DCTD: variants seen among roughly 807,000 people sequenced by gnomAD.
DCTD encodes the protein dCMP deaminase.
In DCTD, 23 loss-of-function variants were observed where a neutral mutation model predicts 21.0. The ratio of observed to expected loss-of-function variants is 1.09; its 90% CI spans 0.79 to 1.55. The LOEUF is 1.55. Among genes scored for constraint, DCTD ranks in the 40% most tolerant of loss-of-function variants. DCTD has a pLI of 0.00. For synonymous variants in DCTD, 71 were observed against 81.1 expected (o/e 0.88, Z 0.67); for missense variants, 224 against 230.0 (o/e 0.97, Z 0.17).
intron 3 of DCTD, 83 bp from the exon 4 acceptor site, chr4:182,894,688 C>A: frequency 4.7e-6 from 4 of 843,080 alleles, no homozygotes; most frequent in South Asian, 4.1e-5. Flanking sequence ...TCCATTCCCC[C>A]CTCTGAAATA....
chr4:182,894,713 C>A, intron 3 of DCTD, 108 bp from the exon 4 acceptor site: 1 of 742,524 alleles, frequency 1.3e-6, no homozygotes, highest in South Asian at 1.6e-5. Flanking sequence ...ATAACAGACT[C>A]AAGTAAAAAC....
chr4:182,892,967 C>A, intron 5 of DCTD, 64 bp downstream of exon 5: 3 of 986,966 alleles, frequency 3.0e-6, no homozygotes, highest in South Asian at 1.3e-5. Context: ...GAGACAAGGT[C>A]AAATACATCT....
At chr4:182,908,141 T>C (rs1274603569) in intron 3 of DCTD, among the ~76,000 whole-genome samples, 1 of 152,058 alleles carries the variant, frequency 6.6e-6, no homozygotes, top group Non-Finnish European at 1.5e-5. Context: ...GCAAACAATA[T>C]ATTCATATTC....
At chr4:182,899,692 C>T (rs370063043) in intron 3 of DCTD, among the ~76,000 whole-genome samples, 10 of 152,160 alleles carry the variant, frequency 6.6e-5, no homozygotes, top group Admixed American at 2.0e-4. Flanking sequence ...TGAGCCACCG[C>T]GCCCGGCCAG....
chr4:182,904,234 G>A (rs1175468331), intron 3 of DCTD, among the ~76,000 whole-genome samples: 2 of 152,170 alleles, frequency 1.3e-5, no homozygotes. Context: ...AAAGCCCCCA[G>A]AACTCTAATT....
At position 182,915,109 on chromosome 4, in the gene DCTD, C is replaced by T. The variant is rs577993289; in HGVS notation, c.109-51G>A. 269 of 1,612,512 alleles carry T rather than the reference C, an allele frequency of 1.7e-4. 1 individual carries two copies. Among genetic ancestry groups the T allele is most frequent in the South Asian group, 1.7e-3 (151 of 90,936 alleles). On this transcript the variant is annotated intron_variant, in intron 2 of 5. Transcript: ENST00000438320. ...TGGTGCCTGCAACTGGCTGGTCTGC[C>T]GCTGTGGAAGCAGGGAATAAAACCA...
intron 3 of DCTD, among the ~76,000 whole-genome samples, chr4:182,899,462 A>C (rs1245846748): frequency 1.4e-5 from 2 of 145,726 alleles, no homozygotes; most frequent in Non-Finnish European, 3.0e-5. Flanking sequence ...CAATGACGTG[A>C]TCTCGGCTCA....
At chr4:182,916,792 TC>T in intron 1 of DCTD, 1 of 1,124,172 alleles carries the variant, frequency 8.9e-7, no homozygotes, top group South Asian at 1.8e-5. Flanking sequence ...GTCCTGTTAA[TC>T]CCCTGGGCGC....
intron 3 of DCTD, among the ~76,000 whole-genome samples, chr4:182,907,648 C>T (rs571258074): frequency 3.3e-4 from 50 of 152,226 alleles, no homozygotes; most frequent in African/African-American, 1.1e-3. Context: ...TCCATATGTA[C>T]ACATGCACAT....
intron 4 of DCTD, among the ~76,000 whole-genome samples, chr4:182,894,148 G>C (rs1004566351): frequency 6.6e-6 from 1 of 152,164 alleles, no homozygotes; most frequent in African/African-American, 2.4e-5. Flanking sequence ...CCTTGTTTCT[G>C]ACAGAAGTTC....
chr4:182,916,734 G>C, intron 1 of DCTD: 1 of 1,091,268 alleles, frequency 9.2e-7, no homozygotes, highest in Non-Finnish European at 1.1e-6. Flanking sequence ...TACTAAATAG[G>C]AGGGAGGGGG....
intron 3 of DCTD, among the ~76,000 whole-genome samples, chr4:182,905,980 T>C (rs1377554815): frequency 2.0e-5 from 3 of 152,230 alleles, no homozygotes; most frequent in African/African-American, 7.2e-5. Flanking sequence ...TCACGCCATC[T>C]TCCTGATGCT....
At chr4:182,896,038 A>G (rs1388599494) in intron 3 of DCTD, among the ~76,000 whole-genome samples, 1 of 152,228 alleles carries the variant, frequency 6.6e-6, no homozygotes, top group East Asian at 1.9e-4. Context: ...CACCTAGAAT[A>G]TAAATATGGG....
At chr4:182,906,326 C>CT (rs1334964913) in intron 3 of DCTD, among the ~76,000 whole-genome samples, 2 of 152,140 alleles carry the variant, frequency 1.3e-5, no homozygotes. Flanking sequence ...AAGGAATATT[C>CT]AATCATATCT....
chr4:182,907,947 C>T lies in DCTD; in HGVS notation c.244+6976G>A, dbSNP rs114004856. Reference sequence around the variant, plus strand: ...CCTTACGGCGGCTCCAGGATTCTTTCGTGTGAATATGGCAATTGTTGTTTT... The same window carrying T: ...CCTTACGGCGGCTCCAGGATTCTTTTGTGTGAATATGGCAATTGTTGTTTT... On this transcript the variant is annotated intron_variant, in intron 3 of 5. Transcript: ENST00000438320. Among the ~76,000 whole-genome samples the T allele has an allele frequency of 6.5e-3, 985 of 151,856 alleles. 4 individuals carry two copies. The highest frequency in any genetic ancestry group is 0.01 in the Middle Eastern group (3 of 292).
At chr4:182,916,441 C>G in intron 1 of DCTD, 1 of 985,536 alleles carries the variant, frequency 1.0e-6, no homozygotes. Flanking sequence ...TTGAGAAAGG[C>G]GAGGAATGTG....
intron 3 of DCTD, among the ~76,000 whole-genome samples, chr4:182,911,943 T>C (rs558525448): frequency 6.6e-6 from 1 of 152,256 alleles, no homozygotes; most frequent in South Asian, 2.1e-4. Context: ...GAGGGTCCTG[T>C]ACATTCAAAA....
At chr4:182,892,986 G>T in intron 5 of DCTD, 45 bp downstream of exon 5, 1 of 1,166,550 alleles carries the variant, frequency 8.6e-7, no homozygotes, top group Non-Finnish European at 1.3e-6. Flanking sequence ...CTCTTCATCA[G>T]CCTTCACCCT....
At chr4:182,896,150 G>A (rs1486650614) in intron 3 of DCTD, among the ~76,000 whole-genome samples, 1 of 152,108 alleles carries the variant, frequency 6.6e-6, no homozygotes, top group African/African-American at 2.4e-5. Flanking sequence ...TAAACTTATG[G>A]CGCTCATACA....
Sources: gnomAD v4.1 joint callset for allele counts (sites outside exome capture counted in the v4.1 genomes callset) on GRCh38, gnomAD v4.1.1 for gene constraint, MANE v1.5 for transcripts, NCBI Gene and HGNC (gene_info 2026-07-23, HGNC 2026-07-21) for gene names.